KLF12: variants seen among roughly 807,000 people sequenced by gnomAD.
KLF12 encodes Krueppel-like factor 12.
KLF12 carries 9 observed loss-of-function variants against 37.8 expected under a neutral mutation model. The ratio of observed to expected loss-of-function variants is 0.24; its 90% confidence interval spans 0.14 to 0.42. The LOEUF (loss-of-function observed/expected upper bound fraction) is 0.42. KLF12 is among the 10% of genes least tolerant of loss of function. The pLI, the probability that KLF12 is intolerant of heterozygous loss-of-function variation, is 1.00. For synonymous variants in KLF12, 208 were observed against 202.1 expected (o/e 1.03, Z -0.25); for missense variants, 411 against 516.0 (o/e 0.80, Z 1.97).
At chr13:74,167,304 TG>T in the KLF12 span, among the ~76,000 whole-genome samples, 1 of 152,232 alleles carries the variant, frequency 6.6e-6, no homozygotes, top group Non-Finnish European at 1.5e-5. Flanking sequence ...CTCACTTTTT[TG>T]CTTCTAGAGG....
In KLF12 at chr13:73,846,047, G is replaced by A. The variant is rs1884996447; in HGVS notation, c.450C>T (p.Ala150=). 6.2e-7 allele frequency: 1 copy of A among 1,613,966 alleles called. No homozygotes were observed. Among genetic ancestry groups the A allele is most frequent in the East Asian group, 2.2e-5 (1 of 44,876 alleles). The change falls in exon 4 of 8, where the codon GCC becomes GCT. Residue 150 remains alanine, a synonymous_variant. Transcript: ENST00000377669. ...GCTGGCCTCCAACACCAGATGCAGA[G>A]GCCACAAGGGGCCCTGGAGTTAATA...
chr13:74,058,769 T>G (rs1487759999), intron 1 of KLF12, among the ~76,000 whole-genome samples: 1 of 152,234 alleles, frequency 6.6e-6, no homozygotes, highest in Non-Finnish European at 1.5e-5. Context: ...CCTGCTACTA[T>G]GAACTTGGAT....
chr13:73,734,391 G>A (rs536140443), intron 6 of KLF12, among the ~76,000 whole-genome samples: 7 of 151,988 alleles, frequency 4.6e-5, no homozygotes, highest in Admixed American at 3.3e-4. Flanking sequence ...TTATGTGGCT[G>A]GGGGACTTTT....
chr13:73,925,424 T>A (rs962992289), intron 3 of KLF12, among the ~76,000 whole-genome samples: 3 of 152,182 alleles, frequency 2.0e-5, no homozygotes, highest in Non-Finnish European at 4.4e-5. Flanking sequence ...TGACAGTACA[T>A]CTGTTAACAG....
intron 7 of KLF12, among the ~76,000 whole-genome samples, chr13:73,706,894 A>G (rs1874992532): frequency 6.6e-6 from 1 of 152,232 alleles, no homozygotes; most frequent in African/African-American, 2.4e-5. Flanking sequence ...ATTTTATTTA[A>G]TGATTAATGC....
chr13:73,870,888 T>G (rs1285092671), intron 3 of KLF12, among the ~76,000 whole-genome samples: 1 of 152,204 alleles, frequency 6.6e-6, no homozygotes, highest in Non-Finnish European at 1.5e-5. Context: ...ACTTTTTTTC[T>G]GGTCACCAGA....
At chr13:74,140,727 A>G in the KLF12 span, among the ~76,000 whole-genome samples, 1 of 152,220 alleles carries the variant, frequency 6.6e-6, no homozygotes, top group Admixed American at 6.5e-5. Context: ...CTAAGAAATC[A>G]TGAGAAACTG....
chr13:73,713,206 T>C (rs551496185), intron 7 of KLF12, among the ~76,000 whole-genome samples: 59 of 152,300 alleles, frequency 3.9e-4, no homozygotes, highest in Middle Eastern at 3.4e-3. Context: ...GTGAAAATTA[T>C]AGCATTATCA....
Position 73,695,568 on chromosome 13 carries a change from G to C in KLF12, c.1131C>G (p.Phe377Leu). The C allele has an allele frequency of 6.2e-7, 1 of 1,614,114 alleles. No individual in the cohort carries two copies. The highest frequency in any genetic ancestry group is 8.5e-7 in the Non-Finnish European group (1 of 1,179,958). Residue 377 changes from phenylalanine (F) to leucine (L), a missense_variant, in exon 8 of 8, where the codon TTC becomes TTG. Transcript: ENST00000377669. ...AGCTGCGATCACAGTCCGCGCACTT[G>C]AATGGCTTCACTCCCGTATGTTTGC...
chr13:73,761,448 C>T (rs1196209848), intron 6 of KLF12, among the ~76,000 whole-genome samples: 1 of 152,152 alleles, frequency 6.6e-6, no homozygotes, highest in Non-Finnish European at 1.5e-5. Context: ...TGTATCAACC[C>T]AGAGATGGCA....
At chr13:73,942,981 C>T (rs1890256408) in intron 3 of KLF12, among the ~76,000 whole-genome samples, 1 of 152,184 alleles carries the variant, frequency 6.6e-6, no homozygotes, top group South Asian at 2.1e-4. Flanking sequence ...TGAATGTTCT[C>T]ATTATGAAAT....
At chr13:74,198,247 C>T in the KLF12 span, among the ~76,000 whole-genome samples, 5 of 152,074 alleles carry the variant, frequency 3.3e-5, no homozygotes, top group African/African-American at 9.7e-5. Context: ...ACTCCTGAGG[C>T]TAAAACCCTG....
intron 3 of KLF12, among the ~76,000 whole-genome samples, chr13:73,851,287 T>C (rs1353810212): frequency 1.3e-5 from 2 of 152,244 alleles, no homozygotes; most frequent in African/African-American, 4.8e-5. Flanking sequence ...CAGAATCTCA[T>C]AAATACAGTC....
At chr13:74,028,052 GAA>G (rs1183587837) in intron 1 of KLF12, among the ~76,000 whole-genome samples, 1 of 152,124 alleles carries the variant, frequency 6.6e-6, no homozygotes, top group Non-Finnish European at 1.5e-5. Flanking sequence ...TCCATTGCTA[GAA>G]AGTGGCAGGA....
At chr13:74,160,850 C>T in the KLF12 span, among the ~76,000 whole-genome samples, 7 of 151,964 alleles carry the variant, frequency 4.6e-5, no homozygotes, top group Non-Finnish European at 7.4e-5. Context: ...ACACAAGGCT[C>T]GTTGTTTTGT....
chr13:73,734,396 A>G (rs7332660), intron 6 of KLF12, among the ~76,000 whole-genome samples: 2,495 of 152,020 alleles, frequency 0.016, 74 homozygotes, highest in African/African-American at 0.055. Flanking sequence ...TGGCTGGGGG[A>G]CTTTTTATTC....
At chr13:74,059,100 TTGC>T (rs1873427890) in intron 1 of KLF12, among the ~76,000 whole-genome samples, 1 of 152,242 alleles carries the variant, frequency 6.6e-6, no homozygotes, top group Non-Finnish European at 1.5e-5. Context: ...TTCATCCATG[TTGC>T]TGCAAAGGAC....
the KLF12 span, among the ~76,000 whole-genome samples, chr13:74,280,653 G>A: frequency 3.9e-5 from 6 of 152,236 alleles, no homozygotes; most frequent in South Asian, 2.1e-4. Flanking sequence ...AAGTACCCTC[G>A]TGGTGTACCC....
the KLF12 span, among the ~76,000 whole-genome samples, chr13:74,243,338 T>C: frequency 3.9e-5 from 6 of 152,232 alleles, no homozygotes; most frequent in African/African-American, 1.4e-4. Flanking sequence ...CCACATTTTC[T>C]TTATTCAGTC....
Sources: gnomAD v4.1 joint callset for allele counts (sites outside exome capture counted in the v4.1 genomes callset) on GRCh38, gnomAD v4.1.1 for gene constraint, MANE v1.5 for transcripts, NCBI Gene and HGNC (gene_info 2026-07-23, HGNC 2026-07-21) for gene names.